Variants in MPZL1 observed in about 807,000 individuals in gnomAD.
MPZL1 encodes the protein myelin protein zero-like protein 1.
MPZL1 carries 16 observed loss-of-function variants against 29.3 expected under a neutral mutation model. The ratio of observed to expected loss-of-function variants is 0.55; its 90% CI spans 0.37 to 0.83. The LOEUF (loss-of-function observed/expected upper bound fraction) is 0.83. MPZL1 is among the 40% of genes least tolerant of loss of function. MPZL1 has a pLI of 0.00. For missense variants in MPZL1, 279 were observed against 332.9 expected, an observed-to-expected ratio of 0.84 and a Z score of 1.26; for synonymous variants, 143 against 132.0, an observed-to-expected ratio of 1.08 and a Z score of -0.57.
intron 1 of MPZL1, among the ~76,000 whole-genome samples, chr1:167,742,084 G>A (rs1454783426): frequency 2.6e-5 from 4 of 151,248 alleles, no homozygotes; most frequent in African/African-American, 9.7e-5. Flanking sequence ...CCTGAGGTCA[G>A]GAGTTTGAGA....
intron 4 of MPZL1, 78 bp downstream of exon 4, chr1:167,773,446 A>G (rs1428232058): frequency 8.3e-6 from 12 of 1,443,572 alleles, no homozygotes; most frequent in Non-Finnish European, 1.1e-5. Flanking sequence ...TTTAATGAAA[A>G]AAGGATTTTA....
intron 1 of MPZL1, among the ~76,000 whole-genome samples, chr1:167,759,420 T>A (rs1177314559): frequency 6.6e-6 from 1 of 152,180 alleles, no homozygotes; most frequent in Non-Finnish European, 1.5e-5. Context: ...AGCAAATCAT[T>A]CCCAATTGTT....
At chr1:167,755,810 T>A (rs1357757939) in intron 1 of MPZL1, among the ~76,000 whole-genome samples, 1 of 152,190 alleles carries the variant, frequency 6.6e-6, no homozygotes, top group Non-Finnish European at 1.5e-5. Context: ...TGTTTATTTG[T>A]CTCCACTAGG....
chr1:167,741,267 C>T (rs1478476771), intron 1 of MPZL1, among the ~76,000 whole-genome samples: 2 of 150,484 alleles, frequency 1.3e-5, no homozygotes, highest in African/African-American at 2.5e-5. Flanking sequence ...AGTGATCCTC[C>T]TGCCTCAGCC....
At chr1:167,739,957 C>T (rs967096479) in intron 1 of MPZL1, among the ~76,000 whole-genome samples, 9 of 152,066 alleles carry the variant, frequency 5.9e-5, no homozygotes, top group East Asian at 3.9e-4. Context: ...GTTTTGTATT[C>T]GTTACTTCCT....
intron 1 of MPZL1, among the ~76,000 whole-genome samples, chr1:167,732,851 G>C (rs1046424236): frequency 6.6e-6 from 1 of 152,072 alleles, no homozygotes; most frequent in African/African-American, 2.4e-5. Flanking sequence ...CAGGTGACCC[G>C]CCTGCCTTGG....
chr1:167,740,135 T>G (rs1558111068), intron 1 of MPZL1, among the ~76,000 whole-genome samples: 1 of 152,240 alleles, frequency 6.6e-6, no homozygotes, highest in Non-Finnish European at 1.5e-5. Flanking sequence ...CTTAAGCATT[T>G]GTTGCTTTAA....
chr1:167,737,457 GT>G (rs1213590107), intron 1 of MPZL1, among the ~76,000 whole-genome samples: 6 of 152,182 alleles, frequency 3.9e-5, no homozygotes, highest in African/African-American at 1.4e-4. Flanking sequence ...GAGGGGTGGT[GT>G]TCAATAAGAT....
chr1:167,762,793 T>C (rs185493123), intron 1 of MPZL1, among the ~76,000 whole-genome samples: 229 of 152,276 alleles, frequency 1.5e-3, no homozygotes, highest in African/African-American at 5.4e-3. Flanking sequence ...AGACTAGGGT[T>C]TTAGAAGGTT....
At chr1:167,771,478 A>G (rs1035822799) in intron 2 of MPZL1, among the ~76,000 whole-genome samples, 1 of 151,624 alleles carries the variant, frequency 6.6e-6, no homozygotes, top group African/African-American at 2.4e-5. Flanking sequence ...CGCCATCGTC[A>G]TCATGGCCCG....
intron 1 of MPZL1, among the ~76,000 whole-genome samples, chr1:167,750,076 G>GT (rs1240353156): frequency 2.0e-5 from 3 of 152,180 alleles, no homozygotes; most frequent in Non-Finnish European, 4.4e-5. Context: ...GAATACTGTA[G>GT]TTCTTTCTTT....
chr1:167,756,970 C>T (rs1660883269), intron 1 of MPZL1, among the ~76,000 whole-genome samples: 1 of 152,012 alleles, frequency 6.6e-6, no homozygotes, highest in Admixed American at 6.6e-5. Context: ...GAGATTAAGG[C>T]CTGAAGCATA....
chr1:167,745,279 G>T (rs901049084), intron 1 of MPZL1, among the ~76,000 whole-genome samples: 2 of 152,054 alleles, frequency 1.3e-5, no homozygotes, highest in African/African-American at 4.8e-5. Flanking sequence ...CAAAAATGAT[G>T]TCAGACTCTT....
chr1:167,784,856 C>T (rs1661562170), intron 5 of MPZL1, among the ~76,000 whole-genome samples: 1 of 152,096 alleles, frequency 6.6e-6, no homozygotes, highest in Non-Finnish European at 1.5e-5. Context: ...TGAAGAATAC[C>T]AAGTCCATCA....
intron 1 of MPZL1, among the ~76,000 whole-genome samples, chr1:167,744,507 AC>A (rs1660602421): frequency 6.6e-6 from 1 of 151,852 alleles, no homozygotes; most frequent in Non-Finnish European, 1.5e-5. Context: ...AACATGGCAA[AC>A]CCCTGTCTCT....
chr1:167,769,800 AC>A (rs2101786907), intron 2 of MPZL1, among the ~76,000 whole-genome samples: 1 of 152,350 alleles, frequency 6.6e-6, no homozygotes, highest in East Asian at 1.9e-4. Context: ...AGTTAGACAT[AC>A]CAGTTAAGAG....
rs540982936 is a variant in MPZL1 at position 167,786,113 on chromosome 1, C to A, written c.709-1707C>A. Reference sequence around the variant, plus strand: ...CGGCCGAAAACAGTCTTTTTAACTTCCTTTTGTTTTTTGGTGGGGTTAGCA... The same window carrying A: ...CGGCCGAAAACAGTCTTTTTAACTTACTTTTGTTTTTTGGTGGGGTTAGCA... On this transcript the variant is annotated intron_variant, in intron 5 of 5. Transcript: ENST00000359523. Among the ~76,000 whole-genome samples, 127 of 152,270 alleles carry A rather than the reference C, an allele frequency of 8.3e-4. 1 individual carries two copies. The highest frequency in any genetic ancestry group is 1.5e-3 in the Non-Finnish European group (101 of 68,008).
At chr1:167,767,934 CT>C (rs1661153751) in intron 2 of MPZL1, among the ~76,000 whole-genome samples, 2 of 151,544 alleles carry the variant, frequency 1.3e-5, no homozygotes, top group African/African-American at 4.9e-5. Flanking sequence ...TACCACTTCC[CT>C]TCTGCCCCCA....
intron 1 of MPZL1, among the ~76,000 whole-genome samples, chr1:167,739,122 T>A (rs975083300): frequency 1.3e-5 from 2 of 151,594 alleles, no homozygotes; most frequent in Non-Finnish European, 2.9e-5. Flanking sequence ...TTGTGTTTTT[T>A]GGTAGAGACA....
Sources: allele counts gnomAD v4.1 joint callset (sites outside exome capture counted in the v4.1 genomes callset), GRCh38; gene constraint gnomAD v4.1.1; transcripts MANE v1.5; gene names NCBI Gene and HGNC (gene_info 2026-07-23, HGNC 2026-07-21).